Variants in RYR2 observed in about 807,000 individuals in gnomAD.
RYR2 encodes cardiac muscle ryanodine receptor-calcium release channel.
A neutral mutation model predicts 601.1 loss-of-function variants in RYR2; 227 were observed. That is an observed-to-expected ratio of 0.38 (90% CI 0.34 to 0.42). The LOEUF (loss-of-function observed/expected upper bound fraction) is 0.42. RYR2 is among the 10% of genes least tolerant of loss of function. The pLI, the probability that RYR2 is intolerant of heterozygous loss-of-function variation, is 1.00. For missense variants in RYR2, 4,646 were observed against 6,156.5 expected (o/e 0.75, Z 8.21); for synonymous variants, 2,223 against 2,175.1 (o/e 1.02, Z -0.61).
chr1:237,101,511 AGAT>A lies in RYR2; in HGVS notation c.48+58946_48+58948del, dbSNP rs540057633. 4.6e-3 allele frequency among the ~76,000 whole-genome samples: 703 copies of A among 152,312 alleles called. 6 individuals carry two copies. Among genetic ancestry groups the A allele is most frequent in the African/African-American group, 0.017 (689 of 41,558 alleles). ...TTATTGAGCAGTTACTAGGTTCTAT[AGAT>A]GATCAAAAGCAAACACACACACACT... On this transcript the variant is annotated intron_variant, in intron 1 of 104. Transcript: ENST00000366574.
intron 1 of RYR2, among the ~76,000 whole-genome samples, chr1:237,192,847 A>C (rs1047421380): frequency 2.6e-5 from 4 of 152,176 alleles, no homozygotes; most frequent in Non-Finnish European, 5.9e-5. Flanking sequence ...AATATGTATG[A>C]TCTGTGATAG....
At chr1:237,086,516 C>T (rs996576198) in intron 1 of RYR2, among the ~76,000 whole-genome samples, 10 of 152,126 alleles carry the variant, frequency 6.6e-5, no homozygotes, top group Admixed American at 3.9e-4. Context: ...TTCTGTGTTT[C>T]GGGTTCATCC....
intron 2 of RYR2, among the ~76,000 whole-genome samples, chr1:237,314,820 T>TC (rs1694948304): frequency 2.0e-5 from 3 of 152,190 alleles, no homozygotes; most frequent in African/African-American, 7.2e-5. Context: ...AAAAATGCAC[T>TC]TCAGCAGGCA....
intron 1 of RYR2, among the ~76,000 whole-genome samples, chr1:237,237,135 T>G (rs1039794293): frequency 2.6e-5 from 4 of 152,156 alleles, no homozygotes; most frequent in Admixed American, 2.6e-4. Flanking sequence ...GATTGTAAGT[T>G]TCCGGAGGCC....
chr1:237,689,879 T>C (rs187378632), intron 63 of RYR2, among the ~76,000 whole-genome samples: 84 of 151,878 alleles, frequency 5.5e-4, no homozygotes, highest in Non-Finnish European at 8.8e-4. Flanking sequence ...TTCACTCTTG[T>C]TGCCCACCAA....
At chr1:237,820,638 A>G (rs1366221474) in intron 101 of RYR2, among the ~76,000 whole-genome samples, 1 of 152,114 alleles carries the variant, frequency 6.6e-6, no homozygotes, top group Non-Finnish European at 1.5e-5. Context: ...AGTTTTTTTC[A>G]TATACCAGTG....
intron 73 of RYR2, among the ~76,000 whole-genome samples, chr1:237,722,090 G>T (rs1689773203): frequency 6.6e-6 from 1 of 152,128 alleles, no homozygotes; most frequent in South Asian, 2.1e-4. Flanking sequence ...AAGCGCTGTT[G>T]TAGAGTCCAA....
intron 25 of RYR2, 99 bp downstream of exon 25, chr1:237,530,609 G>C: frequency 2.0e-6 from 2 of 993,472 alleles, no homozygotes; most frequent in South Asian, 1.4e-5. Context: ...TTTTACTGAA[G>C]CTTTAAAATT....
chr1:237,320,707 G>A (rs1272473659), intron 2 of RYR2, among the ~76,000 whole-genome samples: 1 of 152,170 alleles, frequency 6.6e-6, no homozygotes, highest in African/African-American at 2.4e-5. Context: ...CTATGGAAGT[G>A]GTGACTCACC....
At chr1:237,514,378 A>G (rs938019172) in intron 24 of RYR2, among the ~76,000 whole-genome samples, 1 of 152,200 alleles carries the variant, frequency 6.6e-6, no homozygotes, top group Non-Finnish European at 1.5e-5. Context: ...TGATTTGGTT[A>G]ATCTTCAGAC....
rs545699611 is a variant in RYR2, at chr1:237,318,253, C to T, written c.169-12625C>T. 9.2e-5 allele frequency among the ~76,000 whole-genome samples: 14 copies of T among 152,186 alleles called. No individual in the cohort carries two copies. The East Asian group carries it at 2.3e-3, about 25-fold the overall frequency. ...ACCTGCTCCAACATAGCTTCATTTC[C>T]TTTCCCTTCCTTCATACTCTTTTTT... On this transcript the variant is annotated intron_variant, in intron 2 of 104. Transcript: ENST00000366574.
At chr1:237,250,666 C>T (rs910586103) in intron 1 of RYR2, among the ~76,000 whole-genome samples, 55 of 152,266 alleles carry the variant, frequency 3.6e-4, no homozygotes, top group African/African-American at 1.2e-3. Context: ...TCCTTTCACC[C>T]GCCAAACTCC....
chr1:237,424,490 G>C (rs1705925150), intron 12 of RYR2, among the ~76,000 whole-genome samples: 1 of 152,188 alleles, frequency 6.6e-6, no homozygotes, highest in East Asian at 1.9e-4. Flanking sequence ...TTGGATTTTT[G>C]ATAACAATGT....
chr1:237,467,903 G>A (rs1205465411), intron 16 of RYR2, among the ~76,000 whole-genome samples: 1 of 141,992 alleles, frequency 7.0e-6, no homozygotes, highest in Admixed American at 7.5e-5. Flanking sequence ...CTGTCTCTCA[G>A]ACTGGAGTGC....
intron 1 of RYR2, among the ~76,000 whole-genome samples, chr1:237,108,526 A>G (rs1436222240): frequency 2.6e-5 from 4 of 152,228 alleles, no homozygotes; most frequent in East Asian, 1.9e-4. Flanking sequence ...AGAAGCTCAC[A>G]ACCAAAACAG....
intron 16 of RYR2, among the ~76,000 whole-genome samples, chr1:237,467,629 TC>T (rs1390349678): frequency 1.3e-5 from 2 of 152,172 alleles, no homozygotes; most frequent in African/African-American, 4.8e-5. Context: ...AAAAAGCTCT[TC>T]TCATGAAGTT....
intron 20 of RYR2, among the ~76,000 whole-genome samples, chr1:237,497,158 C>T (rs182667090): frequency 6.6e-6 from 1 of 152,188 alleles, no homozygotes; most frequent in East Asian, 1.9e-4. Context: ...AAAAACAAAT[C>T]TTGGAAAATA....
At chr1:237,288,112 C>A (rs139967435) in intron 2 of RYR2, among the ~76,000 whole-genome samples, 1 of 152,290 alleles carries the variant, frequency 6.6e-6, no homozygotes, top group Non-Finnish European at 1.5e-5. Context: ...TGAGTCTACC[C>A]AGATCCAGGC....
intron 17 of RYR2, among the ~76,000 whole-genome samples, chr1:237,489,853 C>G (rs1276108602): frequency 2.0e-5 from 3 of 152,184 alleles, no homozygotes; most frequent in African/African-American, 7.2e-5. Flanking sequence ...CGTGGCATCA[C>G]TATTCACAAG....
Sources: gnomAD v4.1 joint callset for allele counts (sites outside exome capture counted in the v4.1 genomes callset) on GRCh38, gnomAD v4.1.1 for gene constraint, MANE v1.5 for transcripts, NCBI Gene and HGNC (gene_info 2026-07-23, HGNC 2026-07-21) for gene names.